INO80: variants seen among roughly 807,000 people sequenced by gnomAD.
INO80 encodes the protein INO80 complex ATPase subunit, also known as chromatin-remodeling ATPase INO80.
INO80 carries 20 observed loss-of-function variants against 203.4 expected under a neutral mutation model. The ratio of observed to expected loss-of-function variants is 0.10; its 90% CI spans 0.07 to 0.14. The LOEUF (loss-of-function observed/expected upper bound fraction) is 0.14. Ranked by LOEUF, INO80 falls within the 10% of genes least tolerant of loss-of-function variation. INO80 has a pLI of 1.00. For synonymous variants in INO80, 726 were observed against 685.2 expected, an observed-to-expected ratio of 1.06 and a Z score of -0.93; for missense variants, 1,419 against 1,914.4, an observed-to-expected ratio of 0.74 and a Z score of 4.83.
At chr15:41,036,083 G>A (rs1226405218) in intron 24 of INO80, among the ~76,000 whole-genome samples, 1 of 141,248 alleles carries the variant, frequency 7.1e-6, no homozygotes, top group African/African-American at 2.6e-5. Context: ...TGGAACCCAG[G>A]AGGCGGAAGT....
intron 5 of INO80, 127 bp from the exon 6 acceptor site, chr15:41,087,809 C>A (rs1039271661): frequency 1.1e-6 from 1 of 874,168 alleles, no homozygotes; most frequent in Non-Finnish European, 1.6e-6. Context: ...ACAAAGAGAT[C>A]AGTAACATCT....
At chr15:40,990,916 T>C (rs2043808886) in intron 29 of INO80, among the ~76,000 whole-genome samples, 1 of 152,096 alleles carries the variant, frequency 6.6e-6, no homozygotes. Flanking sequence ...TGACCACAAA[T>C]GTGGAATTTG....
intron 28 of INO80, among the ~76,000 whole-genome samples, chr15:41,000,724 A>AG (rs1220175856): frequency 2.1e-4 from 32 of 151,178 alleles, no homozygotes; most frequent in Admixed American, 4.6e-4. Context: ...AAAAAAAAAA[A>AG]AAAAAAGAAA....
intron 1 of INO80, among the ~76,000 whole-genome samples, chr15:41,108,332 G>A (rs1320607098): frequency 6.6e-6 from 1 of 152,106 alleles, no homozygotes; most frequent in East Asian, 1.9e-4. Context: ...GCTCACACCT[G>A]TAATCCCAGC....
intron 1 of INO80, among the ~76,000 whole-genome samples, chr15:41,103,387 G>A (rs1212490617): frequency 2.6e-5 from 4 of 151,794 alleles, no homozygotes; most frequent in South Asian, 4.2e-4. Context: ...CCAAATCATC[G>A]TTCTTGTTTT....
chr15:41,102,572 A>C (rs569458912), intron 1 of INO80, among the ~76,000 whole-genome samples: 20 of 152,092 alleles, frequency 1.3e-4, no homozygotes, highest in Non-Finnish European at 2.1e-4. Context: ...TGGGAGCCTG[A>C]GGCAGGAGAA....
At chr15:41,031,433 AAAG>A (rs1008606762) in intron 24 of INO80, among the ~76,000 whole-genome samples, 36 of 141,880 alleles carry the variant, frequency 2.5e-4, no homozygotes, top group African/African-American at 9.3e-4. Flanking sequence ...AGGGAGAAAG[AAAG>A]AAGGAAAGGA....
At chr15:41,106,024 G>C (rs1194936038) in intron 1 of INO80, among the ~76,000 whole-genome samples, 1 of 152,110 alleles carries the variant, frequency 6.6e-6, no homozygotes, top group Admixed American at 6.6e-5. Context: ...TTGGGAGGCT[G>C]AGGCAGGAGG....
At chr15:41,015,944 CAAAAAAAAA>C in intron 27 of INO80, 135 bp downstream of exon 27, 1 of 466,100 alleles carries the variant, frequency 2.1e-6, no homozygotes, top group East Asian at 3.7e-5. Flanking sequence ...GACTCTGTCT[CAAAAAAAAA>C]AAAAAAGGAA....
intron 5 of INO80, 64 bp downstream of exon 5, chr15:41,091,963 T>A (rs1596322367): frequency 1.4e-6 from 2 of 1,420,966 alleles, no homozygotes; most frequent in African/African-American, 2.8e-5. Flanking sequence ...AAATGATGTA[T>A]CTTTAATGAC....
chr15:41,086,116 A>G (rs889253687), intron 6 of INO80, among the ~76,000 whole-genome samples: 5 of 152,224 alleles, frequency 3.3e-5, no homozygotes, highest in Admixed American at 3.3e-4. Context: ...TGGTGGCAAT[A>G]TAAGGTGGCT....
In INO80 at chr15:41,056,683, T is replaced by A. The variant is rs1331547204; in HGVS notation, c.2009A>T (p.Gln670Leu). 3.7e-6 allele frequency: 6 copies of A among 1,614,092 alleles called. No individual in the cohort carries two copies. Among genetic ancestry groups the A allele is most frequent in the Non-Finnish European group, 5.1e-6 (6 of 1,179,908 alleles). ...SSSVRWKILLQFQCRNRLLLT... is the reference protein window; with the variant it reads ...SSSVRWKILLLFQCRNRLLLT... ...CAAAAGCCGATTCCGACACTGGAAC[T>A]GTAAGAGGATCTTCCAACGAACACT... Residue 670 changes from glutamine to leucine, a missense_variant, in exon 17 of 36, where the codon CAG becomes CTG. Physicochemically the swap from Gln to Leu is moderately radical, Grantham distance 113. This residue lies in a region of INO80 where 192 missense variants were observed against 406.7 expected (regional missense o/e 0.47). Transcript: ENST00000648947.
At chr15:41,049,207 C>T (rs529933473) in intron 21 of INO80, 80 bp downstream of exon 21, 6 of 1,200,006 alleles carry the variant, frequency 5.0e-6, no homozygotes, top group Admixed American at 4.6e-5. Flanking sequence ...CTCATATTCT[C>T]TCCACTAAAT....
At chr15:41,085,226 A>C in intron 7 of INO80, 143 bp downstream of exon 7, 1 of 711,586 alleles carries the variant, frequency 1.4e-6, no homozygotes, top group Non-Finnish European at 2.4e-6. Flanking sequence ...AAAGAGTACT[A>C]CTCAGCATTT....
At chr15:41,106,375 C>A (rs1203306929) in intron 1 of INO80, among the ~76,000 whole-genome samples, 1 of 135,122 alleles carries the variant, frequency 7.4e-6, no homozygotes, top group African/African-American at 2.7e-5. Context: ...CAGGGCCAGA[C>A]CCTGTCTCAA....
intron 14 of INO80, among the ~76,000 whole-genome samples, chr15:41,067,643 C>G (rs1203668901): frequency 1.3e-5 from 2 of 152,138 alleles, no homozygotes; most frequent in African/African-American, 4.8e-5. Context: ...AAAGCTGCCT[C>G]AAAGTGGGAA....
At chr15:41,057,797 C>CAAAAAAAAAAAA (rs35197370) in intron 16 of INO80, among the ~76,000 whole-genome samples, 3 of 29,318 alleles carry the variant, frequency 1.0e-4, no homozygotes, top group Admixed American at 3.6e-4. Flanking sequence ...AACTACATCT[C>CAAAAAAAAAAAA]AAAAAAAAAA....
At chr15:41,064,459 A>G (rs1392216135) in intron 14 of INO80, among the ~76,000 whole-genome samples, 1 of 152,210 alleles carries the variant, frequency 6.6e-6, no homozygotes, top group Non-Finnish European at 1.5e-5. Flanking sequence ...AGCTCACTGT[A>G]GCCTTGAACT....
chr15:41,112,093 G>A (rs1264296143), intron 1 of INO80, among the ~76,000 whole-genome samples: 1 of 152,058 alleles, frequency 6.6e-6, no homozygotes, highest in Non-Finnish European at 1.5e-5. Flanking sequence ...TAGAGATGAG[G>A]TCTCCCTATA....
Sources: gnomAD v4.1 joint callset for allele counts (sites outside exome capture counted in the v4.1 genomes callset) on GRCh38, gnomAD v4.1.1 for gene constraint, gnomAD v4.1.1 regional missense constraint, MANE v1.5 for transcripts, NCBI Gene and HGNC (gene_info 2026-07-23, HGNC 2026-07-21) for gene names.